The following IL1R1 variants were observed in gnomAD, a reference collection of about 807,000 sequenced individuals.
The protein encoded by IL1R1 is interleukin-1 receptor type 1.
IL1R1 carries 22 observed loss-of-function variants against 50.2 expected under a neutral mutation model. That is an observed-to-expected ratio of 0.44 (90% CI 0.31 to 0.63). The LOEUF (loss-of-function observed/expected upper bound fraction) is 0.63, where lower values mean the gene tolerates loss of function less well. IL1R1 is among the 20% of genes least tolerant of loss of function. IL1R1 has a pLI of 0.07. For synonymous variants in IL1R1, 251 were observed against 236.7 expected, an observed-to-expected ratio of 1.06 and a Z score of -0.55; for missense variants, 509 against 676.2, an observed-to-expected ratio of 0.75 and a Z score of 2.74.
intron 1 of IL1R1, among the ~76,000 whole-genome samples, chr2:102,150,156 C>T (rs1683524121): frequency 1.3e-5 from 2 of 152,168 alleles, no homozygotes; most frequent in Admixed American, 6.5e-5. Flanking sequence ...GAAAAAGAAG[C>T]TGTTTAATAA....
chr2:102,133,150 A>G (rs2104420215), intron 1 of IL1R1, among the ~76,000 whole-genome samples: 2 of 151,768 alleles, frequency 1.3e-5, no homozygotes, highest in African/African-American at 4.8e-5. Flanking sequence ...AGGCTGAGGC[A>G]AGAGAATGGC....
rs570301998 is a variant in IL1R1 at position 102,070,952 on chromosome 2, A to C, written c.-84+419A>C. ...AGCTCTTATTTATTTTTACTTCTAGAGATTAAGACACATTCTTTTTCAAGA... is the reference window on the plus strand; with the variant it reads ...AGCTCTTATTTATTTTTACTTCTAGCGATTAAGACACATTCTTTTTCAAGA... On this transcript the variant is annotated intron_variant, in intron 1 of 11. Coordinates refer to the IL1R1 transcript ENST00000409929. Among the ~76,000 whole-genome samples the C allele has an allele frequency of 2.6e-5, 4 of 152,252 alleles. No homozygotes were observed. The South Asian group carries it at 8.3e-4, about 32-fold the overall frequency.
At chr2:102,160,114 C>A (rs1684582452) in intron 3 of IL1R1, among the ~76,000 whole-genome samples, 1 of 152,142 alleles carries the variant, frequency 6.6e-6, no homozygotes, top group South Asian at 2.1e-4. Context: ...AGATATAGGG[C>A]AATCCAGGCT....
intron 1 of IL1R1, among the ~76,000 whole-genome samples, chr2:102,152,500 G>A (rs36214785): frequency 0.026 from 1,499 of 57,530 alleles, 29 homozygotes; most frequent in African/African-American, 0.089. Flanking sequence ...GCAAGACTCC[G>A]TCTCAAAAAA....
chr2:102,110,923 G>A (rs146333527), intron 1 of IL1R1, among the ~76,000 whole-genome samples: 10 of 152,258 alleles, frequency 6.6e-5, no homozygotes, highest in South Asian at 2.1e-4. Context: ...GCCACGGTCC[G>A]TGTTAGCCTG....
At position 102,075,412 on chromosome 2, in the gene IL1R1, T is replaced by C. The variant is rs1172178998; in HGVS notation, c.-84+4879T>C. On this transcript the variant is annotated intron_variant, in intron 1 of 11. Transcript: ENST00000409929. The stretch of plus-strand genomic sequence containing the variant: ...GAGCTTGTGAGCTGGCGGGGAGCTA[T>C]GGTGATGCACAAAATTATAACACAT... Among the ~76,000 whole-genome samples, 14 of 152,314 alleles carry C rather than the reference T, an allele frequency of 9.2e-5. No homozygotes were observed. In the South Asian group the frequency reaches 2.9e-3, roughly 32 times the overall value.
At chr2:102,164,349 C>T (rs1337816507) in intron 3 of IL1R1, among the ~76,000 whole-genome samples, 1 of 152,100 alleles carries the variant, frequency 6.6e-6, no homozygotes, top group Admixed American at 6.6e-5. Context: ...CTTTCTTCTC[C>T]GTCTTTCTGG....
At chr2:102,117,293 C>T (rs928605686) in intron 1 of IL1R1, among the ~76,000 whole-genome samples, 1 of 152,098 alleles carries the variant, frequency 6.6e-6, no homozygotes, top group Non-Finnish European at 1.5e-5. Context: ...GCTTGCACTT[C>T]CCCCAAGGTG....
chr2:102,110,929 G>A (rs190170862), intron 1 of IL1R1, among the ~76,000 whole-genome samples: 49 of 152,274 alleles, frequency 3.2e-4, no homozygotes, highest in Non-Finnish European at 6.2e-4. Context: ...GTCCGTGTTA[G>A]CCTGGTGATT....
At chr2:102,081,344 GGAAGA>G (rs1679200004) in intron 1 of IL1R1, among the ~76,000 whole-genome samples, 1 of 152,142 alleles carries the variant, frequency 6.6e-6, no homozygotes, top group African/African-American at 2.4e-5. Context: ...AGCCTGGGAT[GGAAGA>G]GTTTGAACCA....
At chr2:102,079,217 A>C (rs1171672577) in intron 1 of IL1R1, among the ~76,000 whole-genome samples, 1 of 152,200 alleles carries the variant, frequency 6.6e-6, no homozygotes, top group Non-Finnish European at 1.5e-5. Context: ...GAAGAGAAGG[A>C]TGTTTAATCC....
chr2:102,138,652 A>G (rs186843154), upstream of IL1R1, among the ~76,000 whole-genome samples: 227 of 152,332 alleles, frequency 1.5e-3, no homozygotes, highest in Non-Finnish European at 2.4e-3. Flanking sequence ...GAGAAAAAGT[A>G]AGGCGAAATG....
rs1686230948 is a variant in IL1R1 at position 102,177,310 on chromosome 2, GAAAA to G, written c.*552_*555del. 1.9e-5 allele frequency: 3 copies of G among 158,430 alleles called. No individual in the cohort carries two copies. The highest frequency in any genetic ancestry group is 7.2e-5 in the African/African-American group (3 of 41,546). 9.8% of individuals were successfully genotyped at this position (158,430 alleles called of 1,614,324 possible). On this transcript the variant is annotated 3_prime_UTR_variant, in exon 12 of 12. Transcript: ENST00000410023. Reference sequence around the variant, plus strand: ...CCTCTCTGAATGTTTGAACTGCCAAGAAAAGGCATGGAGACAGCGAACTAGAAGA... The same window carrying G: ...CCTCTCTGAATGTTTGAACTGCCAAGGGCATGGAGACAGCGAACTAGAAGA...
chr2:102,158,400 G>A (rs2104535437), intron 3 of IL1R1, among the ~76,000 whole-genome samples: 1 of 152,228 alleles, frequency 6.6e-6, no homozygotes, highest in Non-Finnish European at 1.5e-5. Flanking sequence ...AGAGTATAAG[G>A]TTTTGGCATT....
intron 5 of IL1R1, 149 bp downstream of exon 5, chr2:102,165,453 A>G: frequency 2.2e-6 from 1 of 449,864 alleles, no homozygotes; most frequent in East Asian, 3.4e-5. Flanking sequence ...AAAGAATTGT[A>G]AGACTGCATT....
At chr2:102,109,419 T>TTTCCTGC (rs1460869595) in intron 1 of IL1R1, among the ~76,000 whole-genome samples, 1 of 149,270 alleles carries the variant, frequency 6.7e-6, no homozygotes, top group Non-Finnish European at 1.5e-5. Flanking sequence ...GTTCAGTAAG[T>TTTCCTGC]TTCCCAAAGC....
intron 1 of IL1R1, among the ~76,000 whole-genome samples, chr2:102,129,585 A>G (rs528371116): frequency 2.6e-4 from 39 of 152,178 alleles, no homozygotes; most frequent in Non-Finnish European, 5.6e-4. Context: ...ATGACTTAGG[A>G]TGTAGGTCCT....
At chr2:102,172,161 A>G (rs1195295877) in intron 8 of IL1R1, 9 of 536,248 alleles carry the variant, frequency 1.7e-5, no homozygotes, top group Non-Finnish European at 2.1e-5. Context: ...CTTACGTTAT[A>G]CATGTTGCAA....
At chr2:102,075,016 T>A (rs1188813023) in intron 1 of IL1R1, among the ~76,000 whole-genome samples, 1 of 152,174 alleles carries the variant, frequency 6.6e-6, no homozygotes, top group African/African-American at 2.4e-5. Context: ...CATATAAACG[T>A]GTGTTATGCG....
Sources: allele counts gnomAD v4.1 joint callset (sites outside exome capture counted in the v4.1 genomes callset), GRCh38; gene constraint gnomAD v4.1.1; transcripts MANE v1.5; gene names NCBI Gene and HGNC (gene_info 2026-07-23, HGNC 2026-07-21).